Variants in HELZ observed in about 807,000 individuals in gnomAD.
The protein encoded by HELZ is helicase with zinc finger, also known as ATP-dependent RNA helicase with zinc finger domain.
HELZ carries 23 observed loss-of-function variants against 218.2 expected under a neutral mutation model. That is an observed-to-expected ratio of 0.11 (90% CI 0.08 to 0.15). The LOEUF (loss-of-function observed/expected upper bound fraction) is 0.15. Among genes scored for constraint, HELZ ranks in the 10% least tolerant of loss-of-function variants. The pLI, the probability that HELZ is intolerant of heterozygous loss-of-function variation, is 1.00. For missense variants in HELZ, 1,813 were observed against 2,353.7 expected, an observed-to-expected ratio of 0.77 and a Z score of 4.75; for synonymous variants, 814 against 829.4, an observed-to-expected ratio of 0.98 and a Z score of 0.32.
At chr17:67,222,677 T>TA (rs1441578523) in intron 3 of HELZ, among the ~76,000 whole-genome samples, 2 of 152,190 alleles carry the variant, frequency 1.3e-5, no homozygotes, top group Admixed American at 6.5e-5. Flanking sequence ...AGCATGACCT[T>TA]ACTGCACCCA....
At chr17:67,223,106 A>G (rs1424025939) in intron 3 of HELZ, among the ~76,000 whole-genome samples, 1 of 151,472 alleles carries the variant, frequency 6.6e-6, no homozygotes, top group Non-Finnish European at 1.5e-5. Flanking sequence ...AAAAAAAAAA[A>G]AAAATTAGCC....
chr17:67,243,464 A>G (rs2041381764), intron 2 of HELZ, among the ~76,000 whole-genome samples: 1 of 152,212 alleles, frequency 6.6e-6, no homozygotes, highest in Admixed American at 6.5e-5. Flanking sequence ...TAAGACATCC[A>G]AGTAAAGTTA....
At chr17:67,223,215 G>A (rs1245461792) in intron 3 of HELZ, among the ~76,000 whole-genome samples, 2 of 151,876 alleles carry the variant, frequency 1.3e-5, no homozygotes, top group African/African-American at 2.4e-5. Flanking sequence ...AGCCGAGATC[G>A]CGCCACTGCA....
chr17:67,231,592 GAAAAAAA>G (rs777015874), intron 3 of HELZ, among the ~76,000 whole-genome samples: 6 of 107,430 alleles, frequency 5.6e-5, no homozygotes, highest in Non-Finnish European at 9.6e-5. Flanking sequence ...GACTCTGTCG[GAAAAAAA>G]AAAAAAAAAA....
chr17:67,102,317 G>A (rs189548680), intron 31 of HELZ, among the ~76,000 whole-genome samples: 1 of 152,264 alleles, frequency 6.6e-6, no homozygotes, highest in East Asian at 1.9e-4. Context: ...TGCTAGGAAA[G>A]GCTAAATGTT....
chr17:67,129,619 T>C (rs1367287124), intron 23 of HELZ, among the ~76,000 whole-genome samples: 1 of 152,088 alleles, frequency 6.6e-6, no homozygotes, highest in African/African-American at 2.4e-5. Flanking sequence ...ATTAACTAAG[T>C]TATAAGTGTT....
chr17:67,219,310 T>C (rs935960279), intron 3 of HELZ, among the ~76,000 whole-genome samples: 3 of 152,376 alleles, frequency 2.0e-5, no homozygotes, highest in Middle Eastern at 3.4e-3. Context: ...TGGAACTGTA[T>C]GAACTGTCCA....
chr17:67,156,148 T>G (rs2038836621), intron 17 of HELZ, among the ~76,000 whole-genome samples: 1 of 151,652 alleles, frequency 6.6e-6, no homozygotes, highest in Non-Finnish European at 1.5e-5. Flanking sequence ...AAACATTTTT[T>G]GCTACCAACT....
Position 67,109,547 on chromosome 17 carries a change from T to C in HELZ, c.4058A>G (p.Tyr1353Cys), listed in dbSNP as rs376573087. The change falls in exon 29 of 33, where the codon TAT (tyrosine) becomes TGT (cysteine). Residue 1353 changes from tyrosine (Y) to cysteine (C), a missense_variant. Coordinates refer to ENST00000358691, the MANE Select transcript of HELZ (RefSeq NM_014877.4). ...ATGAAAGTGGCGATTAGGGATTGCATACTGTGCGTGGGGAGCAGGAAGGGG... is the reference window on the plus strand; with the variant it reads ...ATGAAAGTGGCGATTAGGGATTGCACACTGTGCGTGGGGAGCAGGAAGGGG... The part of the protein sequence containing the change: ...NLPLPAPHAQ[Y>C]AIPNRHFHPL... The C allele has an allele frequency of 1.1e-5, 17 of 1,614,174 alleles. No individual in the cohort carries two copies. In the African/African-American group the frequency reaches 1.9e-4, roughly 18 times the overall value.
rs1318298881 is a variant in HELZ, at chr17:67,076,454, G to A, written c.*1798C>T. 2.0e-5 allele frequency: 3 copies of A among 152,182 alleles called. No individual in the cohort carries two copies. Among genetic ancestry groups the A allele is most frequent in the African/African-American group, 7.2e-5 (3 of 41,420 alleles). 9.4% of individuals were successfully genotyped at this position (152,182 alleles called of 1,614,324 possible). A position where few individuals can be genotyped will look rare whatever the true frequency, so the allele number is the denominator to read the frequency against. On this transcript the variant is annotated 3_prime_UTR_variant, in exon 33 of 33. Transcript: ENST00000358691. ...TGTGATTTATGCTAACCATTAACAC[G>A]TCTGCAGTTTACAAGTCTATGTCTG...
intron 5 of HELZ, among the ~76,000 whole-genome samples, chr17:67,212,965 C>T (rs938823181): frequency 3.3e-5 from 5 of 152,158 alleles, no homozygotes; most frequent in South Asian, 4.1e-4. Context: ...TCTTAGGCAT[C>T]GGTTAAACTT....
At chr17:67,182,801 G>C (rs958837482) in intron 12 of HELZ, among the ~76,000 whole-genome samples, 2 of 152,174 alleles carry the variant, frequency 1.3e-5, no homozygotes, top group African/African-American at 4.8e-5. Context: ...CCTGAGAATA[G>C]CAGTGCTTGC....
chr17:67,092,897 G>GA (rs531576795), intron 31 of HELZ, among the ~76,000 whole-genome samples: 3 of 151,720 alleles, frequency 2.0e-5, no homozygotes, highest in Non-Finnish European at 4.4e-5. Flanking sequence ...ACCGGCGGGG[G>GA]GGGGAAGTTG....
intron 32 of HELZ, among the ~76,000 whole-genome samples, chr17:67,084,100 C>T (rs2143558989): frequency 6.6e-6 from 1 of 152,296 alleles, no homozygotes; most frequent in South Asian, 2.1e-4. Context: ...ACCACTACTA[C>T]AATTCTCTAA....
intron 13 of HELZ, among the ~76,000 whole-genome samples, chr17:67,174,905 C>G (rs1364940508): frequency 2.0e-5 from 3 of 152,232 alleles, no homozygotes; most frequent in African/African-American, 7.2e-5. Flanking sequence ...TGTGTGGCAG[C>G]AGATCTGACC....
intron 32 of HELZ, among the ~76,000 whole-genome samples, chr17:67,082,764 C>G (rs539503534): frequency 4.6e-4 from 69 of 150,772 alleles, no homozygotes; most frequent in African/African-American, 1.5e-3. Flanking sequence ...TTTCATTGTT[C>G]AAGAACTTAC....
chr17:67,177,352 A>G (rs1341080520), intron 13 of HELZ, among the ~76,000 whole-genome samples: 1 of 152,152 alleles, frequency 6.6e-6, no homozygotes, highest in East Asian at 1.9e-4. Flanking sequence ...TTTGAATATA[A>G]TAATACTAAG....
intron 5 of HELZ, among the ~76,000 whole-genome samples, chr17:67,210,409 C>T (rs117447861): frequency 0.011 from 1,645 of 152,302 alleles, 20 homozygotes; most frequent in South Asian, 0.017. Context: ...CAACAACAAA[C>T]ATCAGTAGAT....
At chr17:67,085,021 C>T (rs1177776227) in intron 32 of HELZ, among the ~76,000 whole-genome samples, 2 of 150,980 alleles carry the variant, frequency 1.3e-5, no homozygotes, top group Non-Finnish European at 3.0e-5. Context: ...CAGGAGGAAT[C>T]GCTTCAGCCC....
Sources: allele counts gnomAD v4.1 joint callset (sites outside exome capture counted in the v4.1 genomes callset), GRCh38; gene constraint gnomAD v4.1.1; transcripts MANE v1.5; gene names NCBI Gene and HGNC (gene_info 2026-07-23, HGNC 2026-07-21).